The following TBC1D19 variants were observed in gnomAD, a reference collection of about 807,000 sequenced individuals.
TBC1D19 encodes TBC1 domain family, member 19.
In TBC1D19, 60 loss-of-function variants were observed where a neutral mutation model predicts 89.0. That is an observed-to-expected ratio of 0.67 (90% CI 0.55 to 0.84). The LOEUF is 0.84. Among genes scored for constraint, TBC1D19 ranks in the 40% least tolerant of loss-of-function variants. TBC1D19 has a pLI of 0.00. For missense variants in TBC1D19, 500 were observed against 610.8 expected (o/e 0.82, Z 1.91); for synonymous variants, 189 against 199.7 (o/e 0.95, Z 0.45).
At chr4:26,709,043 CTTG>C (rs984284391) in intron 13 of TBC1D19, among the ~76,000 whole-genome samples, 1 of 149,812 alleles carries the variant, frequency 6.7e-6, no homozygotes, top group African/African-American at 2.5e-5. Flanking sequence ...TATTTGTGAT[CTTG>C]TTGTTGTTGT....
intron 12 of TBC1D19, among the ~76,000 whole-genome samples, chr4:26,687,233 A>T (rs1223357790): frequency 2.0e-5 from 3 of 152,118 alleles, no homozygotes; most frequent in Non-Finnish European, 2.9e-5. Flanking sequence ...GAATTTTTTT[A>T]AAAAAGCTTT....
intron 15 of TBC1D19, among the ~76,000 whole-genome samples, chr4:26,723,164 G>A (rs1717085240): frequency 1.3e-5 from 2 of 152,076 alleles, no homozygotes; most frequent in Non-Finnish European, 1.5e-5. Flanking sequence ...CTCTCAGGTT[G>A]TTTTAGAACT....
intron 7 of TBC1D19, among the ~76,000 whole-genome samples, chr4:26,658,099 A>G (rs184631922): frequency 1.3e-3 from 192 of 152,122 alleles, no homozygotes; most frequent in African/African-American, 4.2e-3. Context: ...ATTAGATCCC[A>G]TTTGTCAATT....
intron 14 of TBC1D19, 34 bp downstream of exon 14, chr4:26,718,051 A>T: frequency 6.7e-7 from 1 of 1,488,870 alleles, no homozygotes; most frequent in Non-Finnish European, 9.3e-7. Context: ...AAGTATTAAG[A>T]CTTACATAAT....
intron 15 of TBC1D19, among the ~76,000 whole-genome samples, chr4:26,721,994 C>T (rs1209458338): frequency 6.6e-6 from 1 of 152,122 alleles, no homozygotes; most frequent in Non-Finnish European, 1.5e-5. Context: ...TCTAGACTCC[C>T]ATAGTACCTG....
chr4:26,747,210 T>C lies in TBC1D19; in HGVS notation c.1320-1201T>C, dbSNP rs1718698645. 3.9e-5 allele frequency among the ~76,000 whole-genome samples: 6 copies of C among 152,288 alleles called. No individual in the cohort carries two copies. In the South Asian group the frequency reaches 1.2e-3, roughly 32 times the overall value. On this transcript the variant is annotated intron_variant, in intron 18 of 20. Coordinates refer to ENST00000264866, the MANE Select transcript of TBC1D19 (RefSeq NM_018317.4). ...AAAGCTATGCTATGTTATTTCTATATTGGTGGGTGGGGATGTGTGGCACTA... is the reference window on the plus strand; with the variant it reads ...AAAGCTATGCTATGTTATTTCTATACTGGTGGGTGGGGATGTGTGGCACTA...
intron 8 of TBC1D19, among the ~76,000 whole-genome samples, chr4:26,664,694 G>T (rs1711623544): frequency 6.6e-6 from 1 of 151,436 alleles, no homozygotes; most frequent in Non-Finnish European, 1.5e-5. Flanking sequence ...CACAATGGGA[G>T]GGGACGCAAA....
chr4:26,816,665 A>G, the TBC1D19 span, among the ~76,000 whole-genome samples: 1 of 152,196 alleles, frequency 6.6e-6, no homozygotes, highest in African/African-American at 2.4e-5. Context: ...GAAAACATCA[A>G]ACAAACCCAG....
intron 7 of TBC1D19, among the ~76,000 whole-genome samples, chr4:26,644,358 C>T (rs980157901): frequency 3.3e-5 from 5 of 152,022 alleles, no homozygotes; most frequent in East Asian, 1.9e-4. Context: ...AAAAGGCCTT[C>T]GACAAAATTC....
At chr4:26,854,046 G>A in the TBC1D19 span, among the ~76,000 whole-genome samples, 278 of 152,160 alleles carry the variant, frequency 1.8e-3, no homozygotes, top group African/African-American at 6.5e-3. Context: ...ATATAAACAC[G>A]TCAAGACAAA....
At chr4:26,651,283 T>C (rs182529983) in intron 7 of TBC1D19, among the ~76,000 whole-genome samples, 24 of 152,256 alleles carry the variant, frequency 1.6e-4, no homozygotes, top group African/African-American at 4.8e-4. Flanking sequence ...GGGGATGGCA[T>C]TGAATCTATA....
chr4:26,640,048 G>A, intron 6 of TBC1D19, 93 bp from the exon 7 acceptor site: 1 of 870,560 alleles, frequency 1.1e-6, no homozygotes, highest in Non-Finnish European at 1.8e-6. Context: ...TAATCTATCT[G>A]TATGATAACA....
intron 13 of TBC1D19, among the ~76,000 whole-genome samples, chr4:26,703,955 C>T (rs550644899): frequency 0.012 from 780 of 65,848 alleles, 5 homozygotes; most frequent in Admixed American, 0.019. Context: ...AGTGAGACTC[C>T]GTCTCAAAAA....
At chr4:26,703,399 TG>T (rs1715483326) in intron 13 of TBC1D19, among the ~76,000 whole-genome samples, 1 of 152,212 alleles carries the variant, frequency 6.6e-6, no homozygotes, top group African/African-American at 2.4e-5. Context: ...TGCATGTGTG[TG>T]TGTGTGCATG....
At chr4:26,800,751 T>G in the TBC1D19 span, among the ~76,000 whole-genome samples, 18 of 152,222 alleles carry the variant, frequency 1.2e-4, no homozygotes, top group African/African-American at 3.6e-4. Flanking sequence ...TTTCTCTGTT[T>G]GCCAGTGATG....
intron 7 of TBC1D19, among the ~76,000 whole-genome samples, chr4:26,659,340 A>G (rs542023034): frequency 1.3e-5 from 2 of 152,270 alleles, no homozygotes; most frequent in African/African-American, 4.8e-5. Context: ...ATTTTTAAGT[A>G]AATTCTTAAC....
chr4:26,732,205 C>A (rs900079303), intron 15 of TBC1D19, among the ~76,000 whole-genome samples: 2 of 152,162 alleles, frequency 1.3e-5, no homozygotes, highest in African/African-American at 2.4e-5. Flanking sequence ...GAGCAGATCC[C>A]ACCACTATCC....
At chr4:26,696,211 A>G (rs1256496705) in intron 13 of TBC1D19, among the ~76,000 whole-genome samples, 1 of 152,222 alleles carries the variant, frequency 6.6e-6, no homozygotes, top group African/African-American at 2.4e-5. Context: ...TTGCAATCCT[A>G]GTCTCTGATA....
chr4:26,705,094 TTTGGCCATTTTTGGATCAAC>T (rs1295088663), intron 13 of TBC1D19, among the ~76,000 whole-genome samples: 2 of 151,176 alleles, frequency 1.3e-5, no homozygotes, highest in East Asian at 3.9e-4. Flanking sequence ...ATTGAAGTCC[TTTGGCCATTTTTGGATCAAC>T]TTGTTTTTTT....
Sources: allele counts gnomAD v4.1 joint callset (sites outside exome capture counted in the v4.1 genomes callset), GRCh38; gene constraint gnomAD v4.1.1; transcripts MANE v1.5; gene names NCBI Gene and HGNC (gene_info 2026-07-23, HGNC 2026-07-21).